Variants in CASK observed in about 807,000 individuals in gnomAD.
The protein encoded by CASK is calcium/calmodulin dependent serine protein kinase.
In CASK, 4 loss-of-function variants were observed where a neutral mutation model predicts 82.9. The ratio of observed to expected loss-of-function variants is 0.05; its 90% confidence interval spans 0.02 to 0.11. CASK has a LOEUF of 0.11. Among genes scored for constraint, CASK ranks in the 10% least tolerant of loss-of-function variants. CASK has a pLI of 1.00. For synonymous variants in CASK, 259 were observed against 253.5 expected (o/e 1.02, Z -0.20); for missense variants, 358 against 720.9 (o/e 0.50, Z 5.76).
At chrX:41,637,208 C>G (rs1385159849) in intron 8 of CASK, among the ~76,000 whole-genome samples, 1 of 108,735 alleles carries the variant, frequency 9.2e-6, no homozygotes, top group Non-Finnish European at 1.9e-5. Flanking sequence ...CCGCCTCGGC[C>G]TCCCAGAGTG....
chrX:41,597,050 A>G (rs1347865021), intron 12 of CASK, among the ~76,000 whole-genome samples: 1 of 112,491 alleles, frequency 8.9e-6, no homozygotes, highest in East Asian at 2.8e-4. Context: ...ATCAAGTTTC[A>G]TTTTTTATCA....
At chrX:41,581,275 G>A (rs756938036) in intron 14 of CASK, among the ~76,000 whole-genome samples, 118 of 110,507 alleles carry the variant, frequency 1.1e-3, no homozygotes, top group Non-Finnish European at 1.4e-3. Flanking sequence ...CAGCTACTTG[G>A]GAGGCTGAGG....
chrX:41,635,888 T>A (rs1271756406), intron 9 of CASK: 1 of 101,600 alleles, frequency 9.8e-6, no homozygotes, highest in Non-Finnish European at 2.0e-5. Flanking sequence ...TAGTTCCAAT[T>A]CTTTTTTTTT....
intron 4 of CASK, 95 bp downstream of exon 4, chrX:41,745,429 C>T (rs780332055): frequency 5.1e-5 from 30 of 592,608 alleles, no homozygotes; most frequent in Non-Finnish European, 8.1e-5. Context: ...CAAAGAGCAG[C>T]AGCATGCTCT....
intron 1 of CASK, among the ~76,000 whole-genome samples, chrX:41,870,095 T>C (rs2071679622): frequency 9.0e-6 from 1 of 110,696 alleles, no homozygotes; most frequent in African/African-American, 3.3e-5. Context: ...GAATTTTTCA[T>C]AGGATCTTTT....
intron 5 of CASK, among the ~76,000 whole-genome samples, chrX:41,722,185 C>T (rs1016335463): frequency 5.3e-5 from 6 of 112,522 alleles, no homozygotes; most frequent in Admixed American, 2.8e-4. Context: ...GGACTGACAA[C>T]GGTTTTTAAG....
chrX:41,595,415 G>T (rs2065806474), intron 12 of CASK, among the ~76,000 whole-genome samples: 1 of 110,077 alleles, frequency 9.1e-6, no homozygotes, highest in African/African-American at 3.3e-5. Flanking sequence ...ACCAACCTCG[G>T]CAAGATAGTG....
chrX:41,516,193 G>A lies in CASK; in HGVS notation c.*4227C>T, dbSNP rs1324880807. ...GGGAAAGACCGGATGGGAACATGGT[G>A]GTGAATATCCTCTTTTTTTCCCTTT... On this transcript the variant is annotated 3_prime_UTR_variant, in exon 27 of 27. Transcript: ENST00000378163. 3 of 112,320 alleles carry A rather than the reference G, an allele frequency of 2.7e-5. No homozygotes were observed. The highest frequency in any genetic ancestry group is 2.8e-4 in the East Asian group (1 of 3,583). The allele number at this position is 112,320 out of a possible 1,213,427, so 9.3% of individuals were successfully genotyped here. A position where few individuals can be genotyped will look rare whatever the true frequency, so the allele number is the denominator to read the frequency against.
In CASK at chrX:41,788,459, C is replaced by T. The variant is rs1171939841; in HGVS notation, c.173-1176G>A. Reference sequence around the variant, plus strand: ...ATGTGACATTTTTATATTAGAAAGTCGAAGGGAGACAGGTAAGGAAGAACC... The same window carrying T: ...ATGTGACATTTTTATATTAGAAAGTTGAAGGGAGACAGGTAAGGAAGAACC... On this transcript the variant is annotated intron_variant, in intron 2 of 26. Coordinates refer to ENST00000378163, the MANE Select transcript of CASK (RefSeq NM_001367721.1). 4.5e-5 allele frequency among the ~76,000 whole-genome samples: 5 copies of T among 111,182 alleles called. No homozygotes were observed. The East Asian group carries it at 8.5e-4, about 19-fold the overall frequency.
intron 12 of CASK, among the ~76,000 whole-genome samples, chrX:41,590,509 CCAAAAAAAAAAAAAAAA>C (rs1254070385): frequency 4.6e-5 from 2 of 43,692 alleles, no homozygotes; most frequent in African/African-American, 1.5e-4. Context: ...GATTCCGTCT[CCAAAAAAAAAAAAAAAA>C]AAAAAAAAGA....
intron 1 of CASK, 33 bp downstream of exon 1, chrX:41,922,897 T>C (rs777303255): frequency 9.2e-6 from 11 of 1,194,921 alleles, no homozygotes; most frequent in Non-Finnish European, 1.2e-5. Context: ...AATGCATTTT[T>C]CCACACTCCC....
chrX:41,786,153 C>T (rs1279624140), intron 3 of CASK, among the ~76,000 whole-genome samples: 2 of 111,658 alleles, frequency 1.8e-5, no homozygotes, highest in African/African-American at 6.5e-5. Context: ...CTCTGGCCAA[C>T]AGCTTTATTA....
chrX:41,552,110 T>TA (rs1440587918), intron 21 of CASK, among the ~76,000 whole-genome samples: 4 of 103,862 alleles, frequency 3.9e-5, no homozygotes, highest in Non-Finnish European at 5.9e-5. Flanking sequence ...TTTTTTTTTT[T>TA]ATTTCAAGTA....
At chrX:41,782,727 A>T (rs1412265150) in intron 3 of CASK, among the ~76,000 whole-genome samples, 1 of 111,948 alleles carries the variant, frequency 8.9e-6, no homozygotes, top group Non-Finnish European at 1.9e-5. Context: ...GAAACCAAAG[A>T]TCCTTTTTTC....
intron 9 of CASK, among the ~76,000 whole-genome samples, chrX:41,631,506 T>C (rs765130969): frequency 8.9e-6 from 1 of 111,920 alleles, no homozygotes; most frequent in Non-Finnish European, 1.9e-5. Flanking sequence ...TTCGCTCTTG[T>C]TGCCCAGGCT....
chrX:41,712,233 T>C (rs1223457187), intron 5 of CASK, among the ~76,000 whole-genome samples: 1 of 112,761 alleles, frequency 8.9e-6, no homozygotes, highest in Non-Finnish European at 1.9e-5. Flanking sequence ...AAGTTACTGG[T>C]GGAATTCAGA....
At chrX:41,662,137 G>A (rs12396433) in intron 7 of CASK, among the ~76,000 whole-genome samples, 29 of 111,167 alleles carry the variant, frequency 2.6e-4, no homozygotes, top group African/African-American at 8.5e-4. Context: ...GAATCTATAC[G>A]GGGGAACAAA....
intron 1 of CASK, among the ~76,000 whole-genome samples, chrX:41,884,309 T>A (rs2072009021): frequency 8.9e-6 from 1 of 111,965 alleles, no homozygotes. Context: ...GAGGGGGCAG[T>A]TTGTGGGACA....
At chrX:41,555,949 G>C in intron 19 of CASK, 1 of 205,673 alleles carries the variant, frequency 4.9e-6, no homozygotes, top group Non-Finnish European at 8.9e-6. Flanking sequence ...TAAATAAAAG[G>C]AGCTGTTGCC....
Sources: gnomAD v4.1 joint callset for allele counts (sites outside exome capture counted in the v4.1 genomes callset) on GRCh38, gnomAD v4.1.1 for gene constraint, MANE v1.5 for transcripts, NCBI Gene and HGNC (gene_info 2026-07-23, HGNC 2026-07-21) for gene names.